Variants in CDH13 observed in about 807,000 individuals in gnomAD.
The protein encoded by CDH13 is cadherin-13.
Under a neutral mutation model 63.8 loss-of-function variants are expected in CDH13, and 24 were observed. That is an observed-to-expected ratio of 0.38 (90% CI 0.27 to 0.53). CDH13 has a LOEUF of 0.53. CDH13 is among the 20% of genes least tolerant of loss of function. The pLI is 0.85. For missense variants in CDH13, 1,049 were observed against 903.1 expected (o/e 1.16, Z -2.07); for synonymous variants, 503 against 355.3 (o/e 1.42, Z -4.67).
intron 6 of CDH13, among the ~76,000 whole-genome samples, chr16:83,378,515 G>A (rs1331801594): frequency 6.6e-6 from 1 of 152,178 alleles, no homozygotes; most frequent in Non-Finnish European, 1.5e-5. Context: ...CCCTTCAGTT[G>A]GATTGGCCAT....
chr16:83,598,118 C>A (rs796885938), intron 7 of CDH13, among the ~76,000 whole-genome samples: 10 of 152,280 alleles, frequency 6.6e-5, no homozygotes, highest in African/African-American at 2.2e-4. Flanking sequence ...ATAATCACAG[C>A]ACTTTGGGAG....
At chr16:83,649,045 T>G (rs1912112316) in intron 8 of CDH13, among the ~76,000 whole-genome samples, 1 of 152,216 alleles carries the variant, frequency 6.6e-6, no homozygotes, top group East Asian at 1.9e-4. Flanking sequence ...CTGAAAGAAT[T>G]CACCTTTTTA....
chr16:83,381,686 C>A (rs1377792800), intron 6 of CDH13, among the ~76,000 whole-genome samples: 2 of 152,036 alleles, frequency 1.3e-5, no homozygotes, highest in East Asian at 3.9e-4. Flanking sequence ...TCAAATCATT[C>A]CAAACCAAAG....
At chr16:82,646,500 C>T (rs1172986578) in intron 1 of CDH13, among the ~76,000 whole-genome samples, 1 of 152,140 alleles carries the variant, frequency 6.6e-6, no homozygotes, top group African/African-American at 2.4e-5. Context: ...GGCCTAAGCA[C>T]ATGACTTTTA....
intron 2 of CDH13, among the ~76,000 whole-genome samples, chr16:82,907,585 TC>T (rs1195508631): frequency 2.6e-5 from 4 of 152,244 alleles, no homozygotes; most frequent in African/African-American, 9.6e-5. Flanking sequence ...GCAATTCTTT[TC>T]TTCCTTTTTG....
intron 4 of CDH13, among the ~76,000 whole-genome samples, chr16:83,185,465 A>C (rs1458883066): frequency 1.3e-5 from 2 of 152,210 alleles, no homozygotes; most frequent in Non-Finnish European, 2.9e-5. Context: ...AAAGTGAAAG[A>C]CTTCAAAATC....
intron 6 of CDH13, among the ~76,000 whole-genome samples, chr16:83,430,779 A>G (rs1010533209): frequency 2.0e-5 from 3 of 152,078 alleles, no homozygotes; most frequent in Non-Finnish European, 4.4e-5. Context: ...TTTTTAAAAA[A>G]GTTTATTCTG....
intron 8 of CDH13, among the ~76,000 whole-genome samples, chr16:83,645,797 T>C (rs1911736000): frequency 1.3e-5 from 2 of 151,952 alleles, no homozygotes; most frequent in Non-Finnish European, 2.9e-5. Context: ...GAGGCATCAT[T>C]TCCTGTAAAT....
intron 3 of CDH13, among the ~76,000 whole-genome samples, chr16:83,124,318 T>C (rs1204217260): frequency 6.6e-6 from 1 of 152,166 alleles, no homozygotes; most frequent in Non-Finnish European, 1.5e-5. Context: ...AGTGCTGGGA[T>C]TATAGGTGTG....
At chr16:83,731,033 A>C (rs379558) in intron 10 of CDH13, among the ~76,000 whole-genome samples, 1 of 151,722 alleles carries the variant, frequency 6.6e-6, no homozygotes, top group African/African-American at 2.4e-5. Flanking sequence ...CATGGTATAC[A>C]CGCACTGCAT....
chr16:82,967,568 G>A (rs1203112503), intron 2 of CDH13, among the ~76,000 whole-genome samples: 3 of 152,198 alleles, frequency 2.0e-5, no homozygotes, highest in Non-Finnish European at 4.4e-5. Context: ...CACAGGAACA[G>A]CATTTTCCTG....
intron 4 of CDH13, among the ~76,000 whole-genome samples, chr16:83,130,841 G>C (rs1442863124): frequency 6.6e-6 from 1 of 152,150 alleles, no homozygotes; most frequent in Non-Finnish European, 1.5e-5. Context: ...CTGAATTCCT[G>C]TAAAGAAAGG....
intron 1 of CDH13, among the ~76,000 whole-genome samples, chr16:82,636,438 G>A (rs1394210916): frequency 6.6e-6 from 1 of 152,184 alleles, no homozygotes; most frequent in South Asian, 2.1e-4. Flanking sequence ...TGACCGACGT[G>A]CAGCCTGTAC....
chr16:83,045,436 A>G (rs1917687155), intron 3 of CDH13, among the ~76,000 whole-genome samples: 1 of 152,038 alleles, frequency 6.6e-6, no homozygotes, highest in African/African-American at 2.4e-5. Context: ...CAGGAGTTCA[A>G]GACCAGCCTG....
intron 6 of CDH13, 76 bp downstream of exon 6, chr16:83,345,082 T>G (rs2090810693): frequency 6.6e-7 from 1 of 1,524,472 alleles, no homozygotes; most frequent in Admixed American, 1.7e-5. Flanking sequence ...TTCTAGGGAC[T>G]GTCTTATGGC....
In CDH13 at chr16:83,630,130, A is replaced by C. The variant is rs74524652; in HGVS notation, c.1101+27536A>C. Among the ~76,000 whole-genome samples the C allele has an allele frequency of 1.5e-3, 227 of 150,952 alleles. 2 individuals are homozygous for C. Among genetic ancestry groups the C allele is most frequent in the African/African-American group, 5.3e-3 (216 of 41,024 alleles). On this transcript the variant is annotated intron_variant, in intron 8 of 13. Coordinates refer to ENST00000567109, the MANE Select transcript of CDH13 (RefSeq NM_001257.5). ...GTGTTGATCTCAGACCTGCCTTTAC[A>C]TCCCTGCACCACCATTTTCTGATGG...
chr16:83,154,032 T>A (rs1210411535), intron 4 of CDH13, among the ~76,000 whole-genome samples: 1 of 152,178 alleles, frequency 6.6e-6, no homozygotes, highest in Admixed American at 6.5e-5. Flanking sequence ...GGCCCCTCTT[T>A]AGAGAGCCAT....
intron 8 of CDH13, among the ~76,000 whole-genome samples, chr16:83,658,267 C>T (rs1209972343): frequency 1.5e-5 from 2 of 137,412 alleles, no homozygotes; most frequent in African/African-American, 5.4e-5. Flanking sequence ...CCACCAGGTC[C>T]CGTATCCTCA....
At chr16:82,666,699 A>G (rs769440265) in intron 1 of CDH13, among the ~76,000 whole-genome samples, 15 of 152,240 alleles carry the variant, frequency 9.9e-5, no homozygotes, top group Non-Finnish European at 1.8e-4. Context: ...TTTGTGGTGC[A>G]TATCACAATG....
Sources: gnomAD v4.1 joint callset for allele counts (sites outside exome capture counted in the v4.1 genomes callset) on GRCh38, gnomAD v4.1.1 for gene constraint, MANE v1.5 for transcripts, NCBI Gene and HGNC (gene_info 2026-07-23, HGNC 2026-07-21) for gene names.